Variants in ARHGAP6 observed in about 807,000 individuals in gnomAD.
The protein encoded by ARHGAP6 is rho GTPase-activating protein 6.
In ARHGAP6, 16 loss-of-function variants were observed where a neutral mutation model predicts 55.7. The observed-to-expected ratio is 0.29, with a 90% confidence interval of 0.19 to 0.44. ARHGAP6 has a LOEUF of 0.44. Ranked by LOEUF, ARHGAP6 falls within the 20% of genes least tolerant of loss-of-function variation. The probability of loss-of-function intolerance (pLI) is 1.00; values close to 1 mark genes in which losing one functional copy is unlikely to be tolerated. For synonymous variants in ARHGAP6, 382 were observed against 360.9 expected (o/e 1.06, Z -0.66); for missense variants, 698 against 808.9 (o/e 0.86, Z 1.66).
chrX:11,165,136 C>T (rs113369096), intron 9 of ARHGAP6, among the ~76,000 whole-genome samples: 2,499 of 110,609 alleles, frequency 0.023, 27 homozygotes, highest in Middle Eastern at 0.06. Context: ...TGGACAAAAT[C>T]GAAACAAAAA....
intron 2 of ARHGAP6, among the ~76,000 whole-genome samples, chrX:11,219,413 T>G (rs1191792353): frequency 2.9e-5 from 3 of 102,086 alleles, no homozygotes; most frequent in Non-Finnish European, 6.0e-5. Context: ...AGTAATGGGA[T>G]GGCTGGGTCA....
rs1177196375 is a variant in ARHGAP6, at chrX:11,188,990, ATC to A, written c.821-8_821-7del. On this transcript the variant is annotated splice_region_variant and splice_polypyrimidine_tract_variant and intron_variant, in intron 3 of 12. Coordinates refer to ENST00000337414, the MANE Select transcript of ARHGAP6 (RefSeq NM_013427.3). ...AAATGCCTGTGGGATGAATTCTGGAATCAAAAAACAGACATTCACTTTCAGAG... is the reference window on the plus strand; with the variant it reads ...AAATGCCTGTGGGATGAATTCTGGAAAAAAAACAGACATTCACTTTCAGAG... The A allele has an allele frequency of 8.3e-7, 1 of 1,206,076 alleles. No homozygotes were observed. The highest frequency in any genetic ancestry group is 2.2e-5 in the Admixed American group (1 of 45,487).
At chrX:11,551,408 C>G (rs1008111989) in intron 1 of ARHGAP6, among the ~76,000 whole-genome samples, 11 of 111,448 alleles carry the variant, frequency 9.9e-5, no homozygotes, top group African/African-American at 3.6e-4. Context: ...TTTACTATAT[C>G]TAAAGAGTCA....
chrX:11,361,968 C>A (rs2049017668), intron 1 of ARHGAP6, among the ~76,000 whole-genome samples: 1 of 111,902 alleles, frequency 8.9e-6, no homozygotes, highest in Admixed American at 9.4e-5. Context: ...CCATCTCACA[C>A]CAGTTACAAT....
At chrX:11,377,888 G>A (rs1370029111) in intron 1 of ARHGAP6, among the ~76,000 whole-genome samples, 1 of 111,495 alleles carries the variant, frequency 9.0e-6, no homozygotes, top group African/African-American at 3.3e-5. Flanking sequence ...TAGGAAAAGA[G>A]GGTTTCTGGC....
chrX:11,296,914 C>A, intron 1 of ARHGAP6: 2 of 1,090,708 alleles, frequency 1.8e-6, no homozygotes, highest in Non-Finnish European at 2.5e-6. Context: ...TTCTTTATCC[C>A]AGATGTTTCT....
intron 1 of ARHGAP6, chrX:11,351,358 A>G: frequency 1.0e-6 from 1 of 965,894 alleles, no homozygotes; most frequent in Non-Finnish European, 1.3e-6. Flanking sequence ...ATAACTAAAT[A>G]CACGTGACCT....
At chrX:11,661,472 G>A (rs1208311609) in intron 1 of ARHGAP6, among the ~76,000 whole-genome samples, 10 of 112,569 alleles carry the variant, frequency 8.9e-5, no homozygotes, top group African/African-American at 2.9e-4. Flanking sequence ...AGCTTTGAAC[G>A]AGCACAAGTA....
chrX:11,257,719 CA>C (rs2047509808), intron 1 of ARHGAP6, among the ~76,000 whole-genome samples: 1 of 111,808 alleles, frequency 8.9e-6, no homozygotes, highest in Non-Finnish European at 1.9e-5. Flanking sequence ...AGTTAACCTT[CA>C]GGTAGGAAGA....
At chrX:11,527,011 A>AGTGC (rs1696259183) in intron 1 of ARHGAP6, among the ~76,000 whole-genome samples, 1 of 81,058 alleles carries the variant, frequency 1.2e-5, no homozygotes, top group Non-Finnish European at 2.4e-5. Flanking sequence ...TAATATGAGG[A>AGTGC]GTGTGTGTGT....
intron 1 of ARHGAP6, among the ~76,000 whole-genome samples, chrX:11,466,600 A>G (rs2050295915): frequency 9.0e-6 from 1 of 111,283 alleles, no homozygotes; most frequent in African/African-American, 3.3e-5. Context: ...AAACTCCTGG[A>G]CTCAAGCTGT....
intron 12 of ARHGAP6, 102 bp from the exon 13 acceptor site, chrX:11,139,632 C>G (rs2045592510): frequency 2.2e-6 from 2 of 914,825 alleles, no homozygotes; most frequent in Non-Finnish European, 2.9e-6. Context: ...GACGTCCCCC[C>G]GGACTTCTAA....
chrX:11,289,100 T>C (rs1189682735), intron 1 of ARHGAP6, among the ~76,000 whole-genome samples: 2 of 112,410 alleles, frequency 1.8e-5, no homozygotes, highest in Non-Finnish European at 3.8e-5. Context: ...CCACCTGATA[T>C]TTAGCAAATG....
At chrX:11,358,932 CA>C (rs1233231663) in intron 1 of ARHGAP6, among the ~76,000 whole-genome samples, 6 of 111,770 alleles carry the variant, frequency 5.4e-5, no homozygotes, top group Non-Finnish European at 9.4e-5. Context: ...AAAGGTCCTC[CA>C]CCCATGTCTA....
chrX:11,629,420 A>G (rs1010115315), intron 1 of ARHGAP6, among the ~76,000 whole-genome samples: 2 of 111,409 alleles, frequency 1.8e-5, no homozygotes, highest in African/African-American at 6.5e-5. Context: ...TTATGCATTC[A>G]TTCATTAACA....
chrX:11,247,535 C>A (rs2047369665), intron 2 of ARHGAP6, among the ~76,000 whole-genome samples: 1 of 112,049 alleles, frequency 8.9e-6, no homozygotes. Flanking sequence ...CACAACTACT[C>A]AACTCTGACA....
Position 11,664,656 on chromosome X carries a change from C to A in ARHGAP6, c.173G>T (p.Arg58Leu). 8.6e-7 allele frequency: 1 copy of A among 1,161,789 alleles called. No homozygotes were observed. Among genetic ancestry groups the A allele is most frequent in the East Asian group, 3.2e-5 (1 of 31,006 alleles). Residue 58 changes from arginine (R) to leucine (L), a missense_variant, in exon 1 of 13, where the codon CGG (arginine) becomes CTG (leucine). Physicochemically the swap from Arg to Leu is moderately radical, Grantham distance 102. Coordinates refer to ENST00000337414, the MANE Select transcript of ARHGAP6 (RefSeq NM_013427.3). Reference sequence around the variant, plus strand: ...GTAGAGGCGGCCCGCCGTGGCTCCCCGCGCACTGCCCTCCGCGCCCGCCTC... The same window carrying A: ...GTAGAGGCGGCCCGCCGTGGCTCCCAGCGCACTGCCCTCCGCGCCCGCCTC... Reference protein sequence around the residue: ...SDEAGAEGSARGATAGRLYSP... With the variant: ...SDEAGAEGSALGATAGRLYSP...
At chrX:11,577,642 T>C (rs1289216345) in intron 1 of ARHGAP6, among the ~76,000 whole-genome samples, 1 of 111,648 alleles carries the variant, frequency 9.0e-6, no homozygotes, top group Non-Finnish European at 1.9e-5. Context: ...AGGAAGAAAC[T>C]TCTAGGGTCA....
chrX:11,331,865 T>G (rs966751193), intron 1 of ARHGAP6, among the ~76,000 whole-genome samples: 4 of 112,141 alleles, frequency 3.6e-5, no homozygotes, highest in African/African-American at 1.3e-4. Flanking sequence ...GATAACTGTT[T>G]GTTGATTAGA....
Sources: allele counts gnomAD v4.1 joint callset (sites outside exome capture counted in the v4.1 genomes callset), GRCh38; gene constraint gnomAD v4.1.1; transcripts MANE v1.5; gene names NCBI Gene and HGNC (gene_info 2026-07-23, HGNC 2026-07-21).